MAK: variants seen among roughly 807,000 people sequenced by gnomAD.
MAK encodes the protein serine/threonine-protein kinase MAK.
Under a neutral mutation model 82.6 loss-of-function variants are expected in MAK, and 65 were observed. The observed-to-expected ratio is 0.79, with a 90% CI of 0.64 to 0.97. MAK has a LOEUF of 0.97. Ranked by LOEUF, MAK falls within the 50% of genes least tolerant of loss-of-function variation. The probability of loss-of-function intolerance (pLI) is 0.00; values close to 1 mark genes in which losing one functional copy is unlikely to be tolerated. For missense variants in MAK, 703 were observed against 780.2 expected, an observed-to-expected ratio of 0.90 and a Z score of 1.18; for synonymous variants, 250 against 274.2, an observed-to-expected ratio of 0.91 and a Z score of 0.87.
intron 8 of MAK, among the ~76,000 whole-genome samples, chr6:10,796,793 G>A (rs185938053): frequency 1.3e-4 from 16 of 120,048 alleles, no homozygotes; most frequent in African/African-American, 1.7e-4. Context: ...GCAACACAGC[G>A]AGACTCCACC....
At chr6:10,772,991 G>C (rs1366561610) in intron 13 of MAK, 43 bp downstream of exon 13, 2 of 1,274,334 alleles carry the variant, frequency 1.6e-6, no homozygotes, top group Admixed American at 2.0e-5. Context: ...TCAGACAAGA[G>C]ATTCAAAGAA....
intron 5 of MAK, among the ~76,000 whole-genome samples, chr6:10,810,345 C>CTTTTTTTTTTTTTTTT (rs111859354): frequency 9.0e-5 from 11 of 121,668 alleles, no homozygotes; most frequent in African/African-American, 1.5e-4. Flanking sequence ...TTATCTTTTT[C>CTTTTTTTTTTTTTTTT]TTTTTTTTTT....
Position 10,793,679 on chromosome 6 carries a change from G to A in MAK, c.1144-1832C>T, listed in dbSNP as rs1026317380. On this transcript the variant is annotated intron_variant, in intron 9 of 14. Coordinates refer to ENST00000354489, the MANE Select transcript of MAK (RefSeq NM_001242957.3). This position sits in a 1 kb window ranked among gnomAD's most constrained non-coding sequence, Gnocchi z 4.6. The stretch of plus-strand genomic sequence containing the variant: ...ACCTATATAAAAATGTGTGTGTGGC[G>A]GGGCTGGGGGCTAGGTTATTCTCTT... 5.9e-5 allele frequency among the ~76,000 whole-genome samples: 9 copies of A among 151,918 alleles called. No homozygotes were observed. The highest frequency in any genetic ancestry group is 2.0e-4 in the Admixed American group (3 of 15,252).
chr6:10,770,742 T>C (rs1239039947), intron 13 of MAK, among the ~76,000 whole-genome samples: 1 of 152,158 alleles, frequency 6.6e-6, no homozygotes, highest in African/African-American at 2.4e-5. Context: ...GCTAGCATAA[T>C]TGCCATCATT....
intron 13 of MAK, among the ~76,000 whole-genome samples, chr6:10,770,889 G>A (rs563029634): frequency 6.6e-6 from 1 of 152,220 alleles, no homozygotes; most frequent in East Asian, 1.9e-4. Context: ...GGGAGGATGA[G>A]GGTCTGAACC....
At position 10,764,379 on chromosome 6, in the gene MAK, A is replaced by T; in HGVS notation, c.*73T>A. On this transcript the variant is annotated 3_prime_UTR_variant, in exon 15 of 15. Transcript: ENST00000354489. ...GAACTCAGTAGAAATAGACATTTGTAGACATTTCCCAGGGTCAAGGAACTT... is the reference window on the plus strand; with the variant it reads ...GAACTCAGTAGAAATAGACATTTGTTGACATTTCCCAGGGTCAAGGAACTT... 6.7e-7 allele frequency: 1 copy of T among 1,498,252 alleles called. No homozygotes were observed. The highest frequency in any genetic ancestry group is 9.2e-7 in the Non-Finnish European group (1 of 1,083,952). 92.8% of individuals were successfully genotyped at this position (1,498,252 alleles called of 1,614,324 possible). A position where few individuals can be genotyped will look rare whatever the true frequency, so the allele number is the denominator to read the frequency against.
At chr6:10,775,264 T>C in intron 12 of MAK, 64 bp downstream of exon 12, 1 of 1,576,666 alleles carries the variant, frequency 6.3e-7, no homozygotes, top group Non-Finnish European at 8.7e-7. Flanking sequence ...CACTGCAATA[T>C]ATTTAAAAGT....
intron 11 of MAK, chr6:10,779,533 A>G: frequency 1.0e-6 from 1 of 971,322 alleles, no homozygotes; most frequent in Non-Finnish European, 1.2e-6. Context: ...AGCTCCCAGA[A>G]TCCTAAAAGT....
At chr6:10,795,558 C>G (rs1281447507) in intron 9 of MAK, among the ~76,000 whole-genome samples, 1 of 152,150 alleles carries the variant, frequency 6.6e-6, no homozygotes, top group Non-Finnish European at 1.5e-5. Context: ...GCCTGGACAA[C>G]ATGGTGAAAC....
intron 1 of MAK, among the ~76,000 whole-genome samples, chr6:10,831,083 G>A (rs1353320378): frequency 2.0e-5 from 3 of 152,098 alleles, no homozygotes; most frequent in African/African-American, 4.8e-5. Context: ...CATTTACATG[G>A]TACTGTGCTA....
At chr6:10,803,474 G>A (rs1776166978) in intron 7 of MAK, among the ~76,000 whole-genome samples, 1 of 151,800 alleles carries the variant, frequency 6.6e-6, no homozygotes, top group Admixed American at 6.6e-5. Context: ...AAACCTGGGA[G>A]GTGGAGGTTG....
At position 10,770,203 on chromosome 6, in the gene MAK, T is replaced by C. The variant is rs761897291; in HGVS notation, c.1700A>G (p.Asn567Ser). The C allele has an allele frequency of 2.5e-6, 4 of 1,614,022 alleles. No individual in the cohort carries two copies. The highest frequency in any genetic ancestry group is 1.7e-5 in the Admixed American group (1 of 60,010). Residue 567 changes from asparagine to serine, a missense_variant, in exon 14 of 15, where the codon AAT becomes AGT. Transcript: ENST00000354489. Reference protein sequence around the residue: ...QGNLGSYATYNQSGYIPSFLK... With the variant: ...QGNLGSYATYSQSGYIPSFLK... ...AAAGGAAGGAATATATCCTGACTGA[T>C]TGTAAGTAGCATAACTTCCAAGATT...
intron 9 of MAK, 94 bp from the exon 10 acceptor site, chr6:10,791,941 A>G (rs1045794049): frequency 2.2e-6 from 3 of 1,333,614 alleles, no homozygotes; most frequent in African/African-American, 2.9e-5. Flanking sequence ...AACAGTCCCC[A>G]TTCTCAAGGA....
chr6:10,811,723 C>A (rs1482675656), intron 5 of MAK, among the ~76,000 whole-genome samples: 1 of 151,740 alleles, frequency 6.6e-6, no homozygotes, highest in Non-Finnish European at 1.5e-5. Flanking sequence ...TTTAAAAGAC[C>A]CCAATAGTTT....
At chr6:10,769,050 A>C (rs1295029206) in intron 14 of MAK, among the ~76,000 whole-genome samples, 1 of 152,178 alleles carries the variant, frequency 6.6e-6, no homozygotes, top group African/African-American at 2.4e-5. Flanking sequence ...TCCCTACAAA[A>C]AACATTTTTT....
chr6:10,827,519 G>A (rs1162670609), intron 2 of MAK, among the ~76,000 whole-genome samples: 1 of 152,098 alleles, frequency 6.6e-6, no homozygotes, highest in Non-Finnish European at 1.5e-5. Context: ...ACTGCTAGCA[G>A]GCATTTGGGG....
intron 10 of MAK, chr6:10,784,973 G>T (rs138546132): frequency 2.5e-4 from 116 of 455,550 alleles, no homozygotes; most frequent in African/African-American, 2.2e-3. Flanking sequence ...GGTTTGGATG[G>T]CCTAAAAAAC....
intron 2 of MAK, chr6:10,827,752 G>A: frequency 6.6e-6 from 1 of 152,428 alleles, no homozygotes; most frequent in Non-Finnish European, 1.5e-5. Flanking sequence ...CACTATCTTG[G>A]CTCACTGCAG....
In MAK at chr6:10,801,977, A is replaced by C. The variant is rs1169407807; in HGVS notation, c.746T>G (p.Leu249Arg). 16 of 1,614,076 alleles carry C rather than the reference A, an allele frequency of 9.9e-6. No homozygotes were observed. Residue 249 changes from leucine to arginine, a missense_variant, in exon 8 of 15, where the codon CTT (leucine) becomes CGT (arginine). Leu to Arg is a moderately radical substitution (Grantham distance 102, BLOSUM62 -2). Coordinates refer to ENST00000354489, the MANE Select transcript of MAK (RefSeq NM_001242957.3). The stretch of plus-strand genomic sequence containing the variant: ...AGCTTCATTACTGGCATTGGGAATA[A>C]GAGTTTTTAAGTTTATAGGAACACA... ...PQCVPINLKT[L>R]IPNASNEAIQ...
Sources: allele counts gnomAD v4.1 joint callset (sites outside exome capture counted in the v4.1 genomes callset), GRCh38; gene constraint gnomAD v4.1.1; non-coding constraint Gnocchi (gnomAD v3.1); transcripts MANE v1.5; gene names NCBI Gene and HGNC (gene_info 2026-07-23, HGNC 2026-07-21).